Variants in ZDHHC13 observed in about 807,000 individuals in gnomAD.
ZDHHC13 encodes the protein zDHHC palmitoyltransferase 13.
A neutral mutation model predicts 86.0 loss-of-function variants in ZDHHC13; 85 were observed. The observed-to-expected ratio is 0.99, with a 90% CI of 0.83 to 1.18. ZDHHC13 has a LOEUF of 1.18. Among genes scored for constraint, ZDHHC13 ranks in the 50% most tolerant of loss-of-function variants. The pLI, the probability that ZDHHC13 is intolerant of heterozygous loss-of-function variation, is 0.00. For missense variants in ZDHHC13, 711 were observed against 730.2 expected (o/e 0.97, Z 0.30); for synonymous variants, 263 against 246.4 (o/e 1.07, Z -0.63).
At chr11:19,124,004 G>T (rs908762285) in intron 1 of ZDHHC13, among the ~76,000 whole-genome samples, 4 of 152,124 alleles carry the variant, frequency 2.6e-5, no homozygotes, top group African/African-American at 9.7e-5. Flanking sequence ...TGTTTAAAAT[G>T]CACGTTTTTT....
chr11:19,145,121 AT>A (rs1174020969), intron 2 of ZDHHC13, among the ~76,000 whole-genome samples: 5 of 152,098 alleles, frequency 3.3e-5, no homozygotes, highest in African/African-American at 9.7e-5. Flanking sequence ...AAAAAAAAAA[AT>A]ATTGCTAATA....
chr11:19,152,013 A>T, intron 6 of ZDHHC13, 145 bp from the exon 7 acceptor site: 1 of 753,582 alleles, frequency 1.3e-6, no homozygotes, highest in Non-Finnish European at 2.0e-6. Flanking sequence ...CTAGAATAGA[A>T]CTCAGTACAA....
intron 1 of ZDHHC13, among the ~76,000 whole-genome samples, chr11:19,132,955 A>G (rs762748416): frequency 2.0e-5 from 3 of 152,178 alleles, no homozygotes; most frequent in Non-Finnish European, 4.4e-5. Context: ...TTTTTAACTT[A>G]ACATATAGCC....
At chr11:19,152,450 A>T in intron 7 of ZDHHC13, 109 bp from the exon 8 acceptor site, 1 of 1,444,940 alleles carries the variant, frequency 6.9e-7, no homozygotes, top group Non-Finnish European at 9.2e-7. Flanking sequence ...ATAGCTGGCT[A>T]TCCTTGGAAT....
Position 19,176,212 on chromosome 11 carries a change from C to T in ZDHHC13, c.*252C>T, listed in dbSNP as rs1850360907. On this transcript the variant is annotated 3_prime_UTR_variant, in exon 17 of 17. Coordinates refer to ENST00000446113, the MANE Select transcript of ZDHHC13 (RefSeq NM_019028.3). ...ATTTTTCACAAGAAAATGCAAGTTA[C>T]TTTTTTTGGAAATAATACTCACTGA... is the stretch of plus-strand genomic sequence containing the variant. 1 of 315,772 alleles carries T rather than the reference C, an allele frequency of 3.2e-6. No individual in the cohort carries two copies. Among genetic ancestry groups the T allele is most frequent in the East Asian group, 6.3e-5 (1 of 15,958 alleles). The allele number at this position is 315,772 out of a possible 1,614,324, so 19.6% of individuals were successfully genotyped here.
chr11:19,144,426 C>T (rs1849401654), intron 2 of ZDHHC13, among the ~76,000 whole-genome samples: 1 of 145,966 alleles, frequency 6.9e-6, no homozygotes. Context: ...GCATAGAGAG[C>T]TATGGAGTGT....
chr11:19,156,786 G>C (rs138429737), intron 9 of ZDHHC13, among the ~76,000 whole-genome samples: 127 of 152,214 alleles, frequency 8.3e-4, no homozygotes, highest in African/African-American at 3.0e-3. Context: ...TCTCCTCACT[G>C]GTCTCCTGAC....
intron 9 of ZDHHC13, among the ~76,000 whole-genome samples, chr11:19,156,432 T>C (rs780817550): frequency 6.6e-6 from 1 of 152,182 alleles, no homozygotes; most frequent in Non-Finnish European, 1.5e-5. Flanking sequence ...TAGTTAATGG[T>C]TAAGAGTCAG....
chr11:19,141,004 A>G (rs1287019725), intron 1 of ZDHHC13, among the ~76,000 whole-genome samples: 2 of 151,832 alleles, frequency 1.3e-5, no homozygotes, highest in Non-Finnish European at 2.9e-5. Context: ...GGCATGGCAC[A>G]TGTATACATA....
intron 14 of ZDHHC13, 107 bp downstream of exon 14, chr11:19,166,492 C>T: frequency 2.4e-6 from 2 of 846,868 alleles, no homozygotes; most frequent in Admixed American, 3.2e-5. Context: ...ATAAACCATA[C>T]TCCTAATAAA....
intron 8 of ZDHHC13, among the ~76,000 whole-genome samples, chr11:19,154,975 G>T (rs1196207954): frequency 6.6e-6 from 1 of 152,142 alleles, no homozygotes; most frequent in Non-Finnish European, 1.5e-5. Flanking sequence ...TTGACTGCCA[G>T]CTGGTTGTCT....
Position 19,176,013 on chromosome 11 carries a change from C to T in ZDHHC13, c.*53C>T. ...GATTTGTTTTTGTTTATGTCGATGC[C>T]CTGTAGTTTGAAAGTGAAGTAAAGA... On this transcript the variant is annotated 3_prime_UTR_variant, in exon 17 of 17. Coordinates refer to ENST00000446113, the MANE Select transcript of ZDHHC13 (RefSeq NM_019028.3). The T allele has an allele frequency of 6.5e-7, 1 of 1,535,578 alleles. No homozygotes were observed. Among genetic ancestry groups the T allele is most frequent in the Non-Finnish European group, 8.7e-7 (1 of 1,144,802 alleles).
intron 1 of ZDHHC13, among the ~76,000 whole-genome samples, chr11:19,124,343 A>C (rs1027748098): frequency 2.6e-5 from 4 of 152,136 alleles, no homozygotes; most frequent in Admixed American, 2.0e-4. Context: ...ATATGTTAAA[A>C]TATATATACA....
At chr11:19,161,586 C>T (rs575060702) in intron 10 of ZDHHC13, among the ~76,000 whole-genome samples, 5 of 151,468 alleles carry the variant, frequency 3.3e-5, no homozygotes, top group East Asian at 1.9e-4. Flanking sequence ...CTGGCTTGTG[C>T]GAGGGGGGAT....
At position 19,147,613 on chromosome 11, in the gene ZDHHC13, G is replaced by A. The variant is rs887977644; in HGVS notation, c.314G>A (p.Gly105Asp). 17 of 1,599,558 alleles carry A rather than the reference G, an allele frequency of 1.1e-5. No homozygotes were observed. The highest frequency in any genetic ancestry group is 1.3e-5 in the Non-Finnish European group (15 of 1,172,320). Reference protein sequence around the residue: ...LDLVKFYISKGAVVDQLGGDL... With the variant: ...LDLVKFYISKDAVVDQLGGDL... ...TTTAACAGGTTTTATATTTCAAAAG[G>A]TGCTGTTGTAGATCAGTTGGGTGGA... The change falls in exon 4 of 17, where the codon GGT becomes GAT. Residue 105 changes from glycine to aspartate, a missense_variant. Gly to Asp is a moderately conservative substitution (Grantham distance 94). Coordinates refer to ENST00000446113, the MANE Select transcript of ZDHHC13 (RefSeq NM_019028.3).
intron 1 of ZDHHC13, among the ~76,000 whole-genome samples, chr11:19,135,009 G>A (rs531400954): frequency 1.3e-5 from 2 of 152,300 alleles, no homozygotes; most frequent in African/African-American, 4.8e-5. Context: ...TCCAGCGTGG[G>A]CAACAGAGGA....
chr11:19,174,488 G>A (rs2133491706), intron 16 of ZDHHC13, among the ~76,000 whole-genome samples: 1 of 152,300 alleles, frequency 6.6e-6, no homozygotes, highest in Non-Finnish European at 1.5e-5. Flanking sequence ...TTTACTGGCA[G>A]CAATGCCATC....
chr11:19,164,579 G>A (rs1463429314), intron 12 of ZDHHC13: 1 of 566,366 alleles, frequency 1.8e-6, no homozygotes, highest in Non-Finnish European at 3.1e-6. Context: ...ATCTCTCCGT[G>A]AATTATCCAT....
At chr11:19,144,202 T>C (rs1004428378) in intron 2 of ZDHHC13, among the ~76,000 whole-genome samples, 3 of 152,224 alleles carry the variant, frequency 2.0e-5, no homozygotes, top group African/African-American at 7.2e-5. Context: ...AAGATGAGCA[T>C]ATTCTTAAGG....
Sources: allele counts gnomAD v4.1 joint callset (sites outside exome capture counted in the v4.1 genomes callset), GRCh38; gene constraint gnomAD v4.1.1; transcripts MANE v1.5; gene names NCBI Gene and HGNC (gene_info 2026-07-23, HGNC 2026-07-21).